The following CROCC2 variants were observed in gnomAD, a reference collection of about 807,000 sequenced individuals.
CROCC2 encodes ciliary rootlet coiled-coil, rootletin family member 2, also known as ciliary rootlet coiled-coil protein 2.
CROCC2 carries 163 observed loss-of-function variants against 177.6 expected under a neutral mutation model. That is an observed-to-expected ratio of 0.92 (90% CI 0.81 to 1.05). The LOEUF is 1.05. Ranked by LOEUF, CROCC2 falls within the 50% of genes least tolerant of loss-of-function variation. The pLI, the probability that CROCC2 is intolerant of heterozygous loss-of-function variation, is 0.00. For missense variants in CROCC2, 1,929 were observed against 1,797.8 expected (o/e 1.07, Z -1.32); for synonymous variants, 904 against 787.3 (o/e 1.15, Z -2.48).
At chr2:240,930,306 G>A in intron 6 of CROCC2, 37 bp downstream of exon 6, 1 of 495,268 alleles carries the variant, frequency 2.0e-6, no homozygotes, top group Non-Finnish European at 3.7e-6. Context: ...CCAGGCACCA[G>A]GCTGCAGGGA....
intron 2 of CROCC2, among the ~76,000 whole-genome samples, chr2:240,919,722 C>T (rs977102045): frequency 1.5e-4 from 22 of 148,062 alleles, no homozygotes; most frequent in Non-Finnish European, 2.2e-4. Flanking sequence ...GTTTGGGGCT[C>T]GGCCTGGGCC....
chr2:240,907,669 T>C (rs2059264902), intron 1 of CROCC2, among the ~76,000 whole-genome samples: 2 of 152,168 alleles, frequency 1.3e-5, no homozygotes, highest in South Asian at 2.1e-4. Flanking sequence ...AATCAGGCGA[T>C]GCAACAAGAC....
At chr2:240,943,115 C>T (rs1421300271) in intron 14 of CROCC2, among the ~76,000 whole-genome samples, 1 of 152,056 alleles carries the variant, frequency 6.6e-6, no homozygotes, top group Non-Finnish European at 1.5e-5. Context: ...TCAAGTGATC[C>T]TCCCACATCA....
chr2:240,913,414 G>C (rs2059300410), intron 1 of CROCC2, among the ~76,000 whole-genome samples: 1 of 152,238 alleles, frequency 6.6e-6, no homozygotes, highest in Admixed American at 6.5e-5. Flanking sequence ...CCCTCCTCGA[G>C]TTCCTTGTTC....
At chr2:240,987,666 G>A (rs1377365605) in intron 28 of CROCC2, among the ~76,000 whole-genome samples, 3 of 152,242 alleles carry the variant, frequency 2.0e-5, no homozygotes, top group Non-Finnish European at 4.4e-5. Context: ...CTGAGCCCCA[G>A]GTCTGCTGCC....
In CROCC2 at chr2:240,932,685, C is replaced by A. The variant is rs144413173; in HGVS notation, c.1045-17C>A. On this transcript the variant is annotated splice_polypyrimidine_tract_variant and intron_variant, in intron 8 of 31. Transcript: ENST00000690015. Reference sequence around the variant, plus strand: ...GTGCTCTGGGCCCCTCTATCCCTTCCTCTCTGCACCTTGAAGGTGGCCCAG... The same window carrying A: ...GTGCTCTGGGCCCCTCTATCCCTTCATCTCTGCACCTTGAAGGTGGCCCAG... The A allele has an allele frequency of 2.6e-3, 1,887 of 729,864 alleles. 4 individuals are homozygous for A. Among genetic ancestry groups the A allele is most frequent in the Non-Finnish European group, 3.9e-3 (1,528 of 396,514 alleles). The allele number at this position is 729,864 out of a possible 1,614,324, so 45.2% of individuals were successfully genotyped here. A position where few individuals can be genotyped will look rare whatever the true frequency, so the allele number is the denominator to read the frequency against.
intron 1 of CROCC2, among the ~76,000 whole-genome samples, chr2:240,910,092 T>C (rs2059277783): frequency 6.6e-6 from 1 of 152,020 alleles, no homozygotes; most frequent in Non-Finnish European, 1.5e-5. Context: ...CACCCCAGAA[T>C]GCCCCCACCC....
chr2:240,911,004 G>A (rs1324314158), intron 1 of CROCC2, among the ~76,000 whole-genome samples: 6 of 151,928 alleles, frequency 3.9e-5, no homozygotes, highest in South Asian at 2.1e-4. Flanking sequence ...GATGGCAGGC[G>A]CCTGTAATCC....
intron 27 of CROCC2, among the ~76,000 whole-genome samples, chr2:240,977,948 C>T (rs2059775981): frequency 4.6e-5 from 1 of 21,940 alleles, no homozygotes; most frequent in Non-Finnish European, 9.3e-5. Context: ...CATCCCTGCT[C>T]AGTCTCTGGG....
intron 4 of CROCC2, among the ~76,000 whole-genome samples, chr2:240,923,062 A>AC (rs1416905319): frequency 2.0e-5 from 3 of 151,272 alleles, no homozygotes; most frequent in African/African-American, 7.3e-5. Context: ...TCGCTATCAG[A>AC]CCCCTCCCCC....
chr2:240,969,401 G>A (rs561234925), intron 27 of CROCC2, among the ~76,000 whole-genome samples: 8 of 152,250 alleles, frequency 5.3e-5, no homozygotes, highest in Non-Finnish European at 1.2e-4. Context: ...GAGGGGAGGG[G>A]GCAGAGAGCA....
At chr2:240,983,509 G>C (rs1477538629) in intron 28 of CROCC2, 1 of 1,244,962 alleles carries the variant, frequency 8.0e-7, no homozygotes, top group South Asian at 1.3e-5. Flanking sequence ...AGGAGCAGAC[G>C]GCGGCGCTGC....
At position 240,922,562 on chromosome 2, in the gene CROCC2, C is replaced by T. The variant is rs542830153; in HGVS notation, c.405C>T (p.Thr135=). The stretch of plus-strand genomic sequence containing the variant: ...AGCTGCAGGCCCGGCTGGAGACCAC[C>T]GAGGCTCAGCTGCGGAGGTCAGAGC... ...SEQLQARLET[T]EAQLRRSELE... The change falls in exon 4 of 32, where the codon ACC becomes ACT. Residue 135 remains threonine, a synonymous_variant. Coordinates refer to ENST00000690015, the MANE Select transcript of CROCC2 (RefSeq NM_001351305.2). 18 of 694,752 alleles carry T rather than the reference C, an allele frequency of 2.6e-5. No individual in the cohort carries two copies. Among genetic ancestry groups the T allele is most frequent in the East Asian group, 5.6e-5 (2 of 35,684 alleles). The allele number at this position is 694,752 out of a possible 1,614,324, so 43.0% of individuals were successfully genotyped here. A position where few individuals can be genotyped will look rare whatever the true frequency, so the allele number is the denominator to read the frequency against.
chr2:240,934,011 T>C (rs1313478772), intron 11 of CROCC2, among the ~76,000 whole-genome samples, 159 bp downstream of exon 11: 1 of 152,192 alleles, frequency 6.6e-6, no homozygotes, highest in Non-Finnish European at 1.5e-5. Context: ...CTCTCCAGGC[T>C]TCTCCCCAGG....
At chr2:240,937,705 C>T (rs553986232) in intron 14 of CROCC2, among the ~76,000 whole-genome samples, 13 of 152,302 alleles carry the variant, frequency 8.5e-5, no homozygotes, top group South Asian at 6.2e-4. Context: ...GGGTTCTCCA[C>T]GTGTGCTTCC....
intron 27 of CROCC2, chr2:240,981,703 A>G (rs1181795275): frequency 6.6e-6 from 1 of 152,160 alleles, no homozygotes; most frequent in Non-Finnish European, 1.5e-5. Flanking sequence ...CTTAGGTACA[A>G]GCATTGTCTT....
At position 240,975,956 on chromosome 2, in the gene CROCC2, C is replaced by G. The variant is rs571468858; in HGVS notation, c.4402-6924C>G. Among the ~76,000 whole-genome samples the G allele has an allele frequency of 6.8e-4, 103 of 152,272 alleles. 3 individuals are homozygous for G. Among genetic ancestry groups the G allele is most frequent in the African/African-American group, 2.4e-3 (98 of 41,562 alleles). On this transcript the variant is annotated intron_variant, in intron 27 of 31. Transcript: ENST00000690015. ...GTGTTGTCCAGGCTGGTCTCGAACT[C>G]CTGACCTCAGAAAATCTGCCCATCT... is the stretch of plus-strand genomic sequence containing the variant.
chr2:240,968,044 A>T, intron 26 of CROCC2, 85 bp from the exon 27 acceptor site: 1 of 1,287,994 alleles, frequency 7.8e-7, no homozygotes, highest in Non-Finnish European at 9.9e-7. Context: ...GGAGCCAGTC[A>T]CTCAAGTCCA....
At position 240,949,767 on chromosome 2, in the gene CROCC2, C is replaced by A; in HGVS notation, c.2652+65C>A. On this transcript the variant is annotated intron_variant, in intron 17 of 31. Transcript: ENST00000690015. The surrounding 1 kb of genome is among the most constrained non-coding windows in gnomAD (Gnocchi z 4.5). ...CTACCAGGTCCCGGGGAATGGCAGGCCCTTGGGAGGAGGGGGCCCTGGGAG... is the reference window on the plus strand; with the variant it reads ...CTACCAGGTCCCGGGGAATGGCAGGACCTTGGGAGGAGGGGGCCCTGGGAG... 1 of 1,455,644 alleles carries A rather than the reference C, an allele frequency of 6.9e-7. No individual in the cohort carries two copies. The highest frequency in any genetic ancestry group is 2.4e-5 in the Admixed American group (1 of 41,350). The allele number at this position is 1,455,644 out of a possible 1,614,324, so 90.2% of individuals were successfully genotyped here. A position where few individuals can be genotyped will look rare whatever the true frequency, so the allele number is the denominator to read the frequency against.
Sources: gnomAD v4.1 joint callset for allele counts (sites outside exome capture counted in the v4.1 genomes callset) on GRCh38, gnomAD v4.1.1 for gene constraint, Gnocchi (gnomAD v3.1) non-coding constraint, MANE v1.5 for transcripts, NCBI Gene and HGNC (gene_info 2026-07-23, HGNC 2026-07-21) for gene names.